MAP9: variants seen among roughly 807,000 people sequenced by gnomAD.
MAP9 encodes the protein microtubule associated protein 9.
In MAP9, 80 loss-of-function variants were observed where a neutral mutation model predicts 75.2. That is an observed-to-expected ratio of 1.06 (90% confidence interval 0.89 to 1.28). The LOEUF (loss-of-function observed/expected upper bound fraction) is 1.28, where lower values mean the gene tolerates loss of function less well. MAP9 is among the 50% of genes most tolerant of loss of function. The probability of loss-of-function intolerance (pLI) is 0.00; values close to 1 mark genes in which losing one functional copy is unlikely to be tolerated. For missense variants in MAP9, 753 were observed against 719.9 expected (o/e 1.05, Z -0.53); for synonymous variants, 235 against 237.3 (o/e 0.99, Z 0.09).
intron 8 of MAP9, among the ~76,000 whole-genome samples, chr4:155,356,680 C>A (rs1255595763): frequency 6.6e-6 from 1 of 152,112 alleles, no homozygotes; most frequent in East Asian, 1.9e-4. Context: ...AAGTTTATTG[C>A]ACCATAGCTG....
chr4:155,354,466 G>A (rs1265760547), intron 10 of MAP9: 1 of 81,268 alleles, frequency 1.2e-5, no homozygotes. Context: ...TTATCTTGTC[G>A]TGCCTTTTTT....
At chr4:155,352,881 A>C in intron 12 of MAP9, 31 bp downstream of exon 12, 1 of 1,463,218 alleles carries the variant, frequency 6.8e-7, no homozygotes, top group Non-Finnish European at 9.2e-7. Flanking sequence ...ATAATTTAAA[A>C]TATATCAAAA....
chr4:155,373,438 GA>G lies in MAP9; in HGVS notation c.178del (p.Ser60LeufsTer14). 6.5e-7 allele frequency: 1 copy of G among 1,544,756 alleles called. No homozygotes were observed. On this transcript the variant is annotated frameshift_variant, in exon 4 of 14. Transcript: ENST00000311277. LOFTEE classifies it high-confidence loss of function. ...TGAATTTTCATCTGCTGAAGTGTCA[GA>G]AAAATCACCTAAAGAAACTGAAAAA... ...SDEIVSLGDFSDTSADENSVN... is the reference protein window; with the variant it reads ...SDEIVSLGDFXDTSADENSVN...
chr4:155,368,360 C>T (rs1364930161), intron 5 of MAP9: 2 of 599,972 alleles, frequency 3.3e-6, no homozygotes, highest in Admixed American at 3.0e-5. Flanking sequence ...GCATTTCCTT[C>T]TTCCTTAGTG....
chr4:155,357,864 C>T (rs1731874772), intron 7 of MAP9, among the ~76,000 whole-genome samples: 2 of 151,850 alleles, frequency 1.3e-5, no homozygotes, highest in African/African-American at 2.4e-5. Context: ...AAGGGCCCAC[C>T]GAAAGGTCTA....
chr4:155,353,427 T>C (rs1731617250), intron 10 of MAP9, 87 bp from the exon 11 acceptor site: 1 of 1,097,176 alleles, frequency 9.1e-7, no homozygotes. Context: ...TATACACATA[T>C]ACATTTATCT....
Position 155,353,298 on chromosome 4 carries a change from C to T in MAP9, c.1423G>A (p.Ala475Thr), listed in dbSNP as rs1731606484. The T allele has an allele frequency of 6.2e-7, 1 of 1,601,144 alleles. No homozygotes were observed. Among genetic ancestry groups the T allele is most frequent in the African/African-American group, 1.3e-5 (1 of 74,102 alleles). ...TCCTTTTCTTTCATAGCCTTCCAGGCCTCAAATGATGCTAATGCTTCTTCT... is the reference window on the plus strand; with the variant it reads ...TCCTTTTCTTTCATAGCCTTCCAGGTCTCAAATGATGCTAATGCTTCTTCT... ...KREEALASFEAWKAMKEKEAK... is the reference protein window; with the variant it reads ...KREEALASFETWKAMKEKEAK... Residue 475 changes from alanine (A) to threonine (T), a missense_variant, in exon 11 of 14, where the codon GCC becomes ACC. Transcript: ENST00000311277.
intron 5 of MAP9, chr4:155,367,577 T>G: frequency 6.6e-6 from 1 of 152,268 alleles, no homozygotes; most frequent in East Asian, 1.9e-4. Context: ...TCAGATAATT[T>G]TCTTAAATAT....
intron 8 of MAP9, 61 bp from the exon 9 acceptor site, chr4:155,355,945 C>T: frequency 7.1e-7 from 1 of 1,416,310 alleles, no homozygotes; most frequent in Non-Finnish European, 9.8e-7. Context: ...GAAGAGAGAT[C>T]TGTTAGAATA....
chr4:155,357,283 A>G (rs1274606946), intron 8 of MAP9, 166 bp downstream of exon 8: 2 of 601,552 alleles, frequency 3.3e-6, no homozygotes, highest in African/African-American at 3.7e-5. Flanking sequence ...AAATAATATC[A>G]TCAACCAAGG....
chr4:155,368,935 C>G (rs1426516125), intron 4 of MAP9, 123 bp from the exon 5 acceptor site: 1 of 713,232 alleles, frequency 1.4e-6, no homozygotes, highest in South Asian at 1.9e-5. Flanking sequence ...CTGAAGAGTC[C>G]AGATGAAGCC....
intron 4 of MAP9, 158 bp downstream of exon 4, chr4:155,372,977 TA>T: frequency 1.9e-6 from 1 of 519,468 alleles, no homozygotes; most frequent in Admixed American, 4.0e-5. Context: ...AACAGGTCTG[TA>T]AAATTGAAGT....
intron 2 of MAP9, among the ~76,000 whole-genome samples, chr4:155,375,358 G>C (rs1036562327): frequency 6.6e-6 from 1 of 152,046 alleles, no homozygotes; most frequent in Non-Finnish European, 1.5e-5. Flanking sequence ...TTAAAAACTG[G>C]TATTTTGAAA....
chr4:155,354,944 G>A (rs3775249), intron 10 of MAP9, 127 bp downstream of exon 10: 265,242 of 470,706 alleles, frequency 0.56, 77,478 homozygotes, highest in East Asian at 0.8. Flanking sequence ...AAGTAAAACC[G>A]GAAATCATTT....
At position 155,346,078 on chromosome 4, in the gene MAP9, T is replaced by C. The variant is rs1731276393; in HGVS notation, c.*1705A>G. ...GTTTTATCTATGAAATTTCTCTTAA[T>C]TGTCTATAGCACTGATACAATCTTA... is the stretch of plus-strand genomic sequence containing the variant. On this transcript the variant is annotated 3_prime_UTR_variant, in exon 14 of 14. Transcript: ENST00000311277. 6.6e-6 allele frequency: 1 copy of C among 152,168 alleles called. No homozygotes were observed. The highest frequency in any genetic ancestry group is 2.4e-5 in the African/African-American group (1 of 41,448). 9.4% of individuals were successfully genotyped at this position (152,168 alleles called of 1,614,324 possible).
chr4:155,354,817 A>C (rs902006600), intron 10 of MAP9, among the ~76,000 whole-genome samples: 1 of 152,190 alleles, frequency 6.6e-6, no homozygotes, highest in African/African-American at 2.4e-5. Flanking sequence ...TTAGGTGCTC[A>C]TAAACAATAA....
intron 6 of MAP9, 63 bp downstream of exon 6, chr4:155,361,985 T>C: frequency 1.1e-6 from 1 of 950,334 alleles, no homozygotes; most frequent in Non-Finnish European, 1.6e-6. Context: ...TTATTTCTCT[T>C]ACAAACAGGA....
At chr4:155,357,754 G>T (rs1397033163) in intron 7 of MAP9, among the ~76,000 whole-genome samples, 1 of 152,124 alleles carries the variant, frequency 6.6e-6, no homozygotes, top group Non-Finnish European at 1.5e-5. Flanking sequence ...AAAATAGTGT[G>T]CAGTGACAGA....
intron 5 of MAP9, chr4:155,367,489 A>G (rs1179786562): frequency 6.6e-6 from 1 of 152,228 alleles, no homozygotes; most frequent in African/African-American, 2.4e-5. Context: ...AAGAGAATAC[A>G]TTTCTGTTGT....
Sources: allele counts gnomAD v4.1 joint callset (sites outside exome capture counted in the v4.1 genomes callset), GRCh38; gene constraint gnomAD v4.1.1; transcripts MANE v1.5; gene names NCBI Gene and HGNC (gene_info 2026-07-23, HGNC 2026-07-21).